The following RAP1GAP2 variants were observed in gnomAD, a reference collection of about 807,000 sequenced individuals.
The protein encoded by RAP1GAP2 is rap1 GTPase-activating protein 2.
In RAP1GAP2, 27 loss-of-function variants were observed where a neutral mutation model predicts 95.0. The ratio of observed to expected loss-of-function variants is 0.28; its 90% CI spans 0.21 to 0.39. The LOEUF is 0.39. Ranked by LOEUF, RAP1GAP2 falls within the 10% of genes least tolerant of loss-of-function variation. The pLI is 1.00. For synonymous variants in RAP1GAP2, 373 were observed against 380.9 expected, an observed-to-expected ratio of 0.98 and a Z score of 0.24; for missense variants, 771 against 970.0, an observed-to-expected ratio of 0.79 and a Z score of 2.72.
At chr17:3,014,135 G>A (rs12951714) in intron 17 of RAP1GAP2, among the ~76,000 whole-genome samples, 5 of 19,922 alleles carry the variant, frequency 2.5e-4, no homozygotes, top group Admixed American at 5.5e-4. Flanking sequence ...GCTATAGAGC[G>A]TGTGGCTGCC....
At chr17:2,833,558 C>T (rs138773718) in intron 2 of RAP1GAP2, among the ~76,000 whole-genome samples, 6,869 of 151,556 alleles carry the variant, frequency 0.045, 458 homozygotes, top group African/African-American at 0.14. Flanking sequence ...GGTGTGTTGG[C>T]GGGCGCCTGT....
chr17:2,881,474 G>C (rs756799098), intron 2 of RAP1GAP2, among the ~76,000 whole-genome samples: 2 of 152,102 alleles, frequency 1.3e-5, no homozygotes, highest in African/African-American at 4.8e-5. Flanking sequence ...AATCCGTAAC[G>C]GCACTTCATT....
intron 2 of RAP1GAP2, among the ~76,000 whole-genome samples, chr17:2,832,471 T>C (rs1423728246): frequency 7.1e-6 from 1 of 141,588 alleles, no homozygotes; most frequent in East Asian, 2.1e-4. Flanking sequence ...GGCAGGAGAA[T>C]GGCGTGAACC....
At chr17:3,015,075 CT>C (rs2046711723) in intron 17 of RAP1GAP2, among the ~76,000 whole-genome samples, 1 of 152,198 alleles carries the variant, frequency 6.6e-6, no homozygotes, top group South Asian at 2.1e-4. Context: ...GCCACCACCC[CT>C]GTCCTGCCCT....
chr17:2,958,492 T>TA (rs1478029339), intron 4 of RAP1GAP2, among the ~76,000 whole-genome samples: 1 of 152,010 alleles, frequency 6.6e-6, no homozygotes, highest in East Asian at 1.9e-4. Context: ...ATGCTGATAA[T>TA]ACACCTGTAG....
At chr17:3,019,531 A>G (rs2151642362) in intron 18 of RAP1GAP2, among the ~76,000 whole-genome samples, 1 of 152,316 alleles carries the variant, frequency 6.6e-6, no homozygotes, top group African/African-American at 2.4e-5. Flanking sequence ...AAGTAACTAA[A>G]GCAAAGTGGC....
At chr17:2,996,256 C>T (rs907288241) in intron 13 of RAP1GAP2, among the ~76,000 whole-genome samples, 9 of 152,156 alleles carry the variant, frequency 5.9e-5, no homozygotes, top group African/African-American at 1.9e-4. Flanking sequence ...GCTTTCCTGC[C>T]GTGCCCCCCG....
intron 1 of RAP1GAP2, among the ~76,000 whole-genome samples, chr17:2,759,888 G>A (rs2151754606): frequency 6.6e-6 from 1 of 152,212 alleles, no homozygotes; most frequent in East Asian, 1.9e-4. Context: ...CCCATGGTTG[G>A]ATATATTCTT....
upstream of RAP1GAP2, among the ~76,000 whole-genome samples, chr17:2,775,305 A>G (rs986222928): frequency 6.6e-6 from 1 of 152,146 alleles, no homozygotes; most frequent in African/African-American, 2.4e-5. Context: ...GAATTTCCCA[A>G]TATGACCAGC....
rs954957564 is a variant in RAP1GAP2 at position 3,005,713 on chromosome 17, T to G, written c.1273-242T>G. On this transcript the variant is annotated intron_variant, in intron 15 of 24. Coordinates refer to ENST00000254695, the MANE Select transcript of RAP1GAP2 (RefSeq NM_015085.5). The surrounding 1 kb of genome is among the most constrained non-coding windows in gnomAD (Gnocchi z 5.2). Reference sequence around the variant, plus strand: ...TATGTTGAGCCCCGGTCAAGGAGCCTTGGGCAGGAATGAGCTCCAGTCGTG... The same window carrying G: ...TATGTTGAGCCCCGGTCAAGGAGCCGTGGGCAGGAATGAGCTCCAGTCGTG... 6.6e-6 allele frequency among the ~76,000 whole-genome samples: 1 copy of G among 152,114 alleles called. No individual in the cohort carries two copies. The highest frequency in any genetic ancestry group is 1.9e-4 in the East Asian group (1 of 5,180).
At position 2,781,105 on chromosome 17, in the gene RAP1GAP2, C is replaced by T. The variant is rs144458151; in HGVS notation, c.-14+3827C>T. ...CAAGGCTGTGCCGAGCCCCTGGCCC[C>T]GGCCACGCTCTGGTTCTGGACTTTT... is the stretch of plus-strand genomic sequence containing the variant. On this transcript the variant is annotated intron_variant, in intron 1 of 24. Coordinates refer to the RAP1GAP2 transcript ENST00000540393. Among the ~76,000 whole-genome samples the T allele has an allele frequency of 8.1e-3, 1,227 of 152,320 alleles. 10 individuals are homozygous for T. Among genetic ancestry groups the T allele is most frequent in the African/African-American group, 0.028 (1,160 of 41,582 alleles).
At chr17:2,954,431 T>C (rs2044036911) in intron 3 of RAP1GAP2, among the ~76,000 whole-genome samples, 1 of 151,960 alleles carries the variant, frequency 6.6e-6, no homozygotes. Context: ...TGTGGACGTG[T>C]ATTTTCCATT....
At chr17:3,001,966 TCC>T (rs1156406224) in intron 14 of RAP1GAP2, among the ~76,000 whole-genome samples, 4 of 136,962 alleles carry the variant, frequency 2.9e-5, no homozygotes, top group East Asian at 2.1e-4. Flanking sequence ...ACTCTTCTTC[TCC>T]TTTTTTTTTT....
intron 5 of RAP1GAP2, 166 bp downstream of exon 5, chr17:2,962,880 G>A (rs2044401536): frequency 4.5e-6 from 3 of 661,458 alleles, no homozygotes; most frequent in Non-Finnish European, 7.4e-6. Context: ...CCAGTGCACG[G>A]TGGGCAGCAG....
At chr17:3,002,179 C>A (rs1477288178) in intron 14 of RAP1GAP2, among the ~76,000 whole-genome samples, 3 of 152,108 alleles carry the variant, frequency 2.0e-5, no homozygotes, top group Non-Finnish European at 4.4e-5. Flanking sequence ...GCCAGACCGG[C>A]CTTGAACTCC....
At chr17:2,854,859 A>G (rs890919518) in intron 2 of RAP1GAP2, among the ~76,000 whole-genome samples, 12 of 152,154 alleles carry the variant, frequency 7.9e-5, no homozygotes, top group Admixed American at 4.6e-4. Flanking sequence ...GCTAGGGTGC[A>G]TGGCAGAGCC....
intron 3 of RAP1GAP2, among the ~76,000 whole-genome samples, chr17:2,914,840 A>G (rs1368637820): frequency 1.6e-5 from 2 of 123,672 alleles, no homozygotes; most frequent in South Asian, 2.7e-4. Context: ...CACCCAGGCT[A>G]GAGTGCAATG....
chr17:2,937,039 A>G (rs938663997), intron 3 of RAP1GAP2, among the ~76,000 whole-genome samples: 1 of 152,206 alleles, frequency 6.6e-6, no homozygotes, highest in African/African-American at 2.4e-5. Context: ...TTTAAAGCTG[A>G]GAGTTAAAGT....
intron 2 of RAP1GAP2, among the ~76,000 whole-genome samples, chr17:2,842,771 G>T (rs1470763254): frequency 6.6e-6 from 1 of 151,980 alleles, no homozygotes; most frequent in Admixed American, 6.6e-5. Context: ...CAGGGCCGAA[G>T]GTGGGTCTCC....
Sources: allele counts gnomAD v4.1 joint callset (sites outside exome capture counted in the v4.1 genomes callset), GRCh38; gene constraint gnomAD v4.1.1; non-coding constraint Gnocchi (gnomAD v3.1); transcripts MANE v1.5; gene names NCBI Gene and HGNC (gene_info 2026-07-23, HGNC 2026-07-21).